The following RNF152 variants were observed in gnomAD, a reference collection of about 807,000 sequenced individuals.
RNF152 encodes the protein E3 ubiquitin-protein ligase RNF152.
A neutral mutation model predicts 12.7 loss-of-function variants in RNF152; 11 were observed. The observed-to-expected ratio is 0.86, with a 90% confidence interval of 0.54 to 1.43. RNF152 has a LOEUF of 1.43. Ranked by LOEUF, RNF152 falls within the 40% of genes most tolerant of loss-of-function variation. The pLI, the probability that RNF152 is intolerant of heterozygous loss-of-function variation, is 0.00. For missense variants in RNF152, 255 were observed against 274.8 expected (o/e 0.93, Z 0.51); for synonymous variants, 113 against 120.3 (o/e 0.94, Z 0.40).
rs1261904714 is a variant in RNF152, at chr18:61,808,910, T to C, written c.*6942A>G. 3 of 152,164 alleles carry C rather than the reference T, an allele frequency of 2.0e-5. No homozygotes were observed. In the East Asian group the frequency reaches 5.8e-4, roughly 30 times the overall value. The allele number at this position is 152,164 out of a possible 1,614,324, so 9.4% of individuals were successfully genotyped here. A position where few individuals can be genotyped will look rare whatever the true frequency, so the allele number is the denominator to read the frequency against. On this transcript the variant is annotated 3_prime_UTR_variant, in exon 2 of 2. Transcript: ENST00000312828. ...AAACCACGAGCATAGGATAGGGTGA[T>C]AGGGAAAATGGGGACTCCTTGGACC...
At chr18:61,826,804 C>T (rs78766006) in intron 1 of RNF152, among the ~76,000 whole-genome samples, 13,221 of 152,222 alleles carry the variant, frequency 0.087, 753 homozygotes, top group African/African-American at 0.16. Flanking sequence ...CAGTGGTTAC[C>T]TTACCTGAGT....
intron 1 of RNF152, among the ~76,000 whole-genome samples, chr18:61,830,309 AG>A (rs1357986046): frequency 6.6e-6 from 1 of 152,104 alleles, no homozygotes; most frequent in Non-Finnish European, 1.5e-5. Flanking sequence ...TACAGGCATG[AG>A]CCACAGTGCC....
chr18:61,858,855 G>T (rs148888456), intron 1 of RNF152, among the ~76,000 whole-genome samples: 1 of 152,154 alleles, frequency 6.6e-6, no homozygotes, highest in Non-Finnish European at 1.5e-5. Context: ...CAGAGATCCC[G>T]TTTTAATAGG....
chr18:61,844,660 T>A (rs1192038341), intron 1 of RNF152, among the ~76,000 whole-genome samples: 1 of 152,174 alleles, frequency 6.6e-6, no homozygotes, highest in East Asian at 1.9e-4. Flanking sequence ...AAATTATTCA[T>A]CTTGTGTCTA....
intron 1 of RNF152, among the ~76,000 whole-genome samples, chr18:61,823,071 G>C (rs182384767): frequency 2.1e-3 from 315 of 152,282 alleles, no homozygotes; most frequent in Middle Eastern, 0.017. Flanking sequence ...TTGACTTTTT[G>C]TCCTCTGGTA....
chr18:61,846,216 C>G (rs1240133781), intron 1 of RNF152, among the ~76,000 whole-genome samples: 2 of 152,196 alleles, frequency 1.3e-5, no homozygotes, highest in Non-Finnish European at 2.9e-5. Context: ...CCCAAACACT[C>G]TCTCTTGTTC....
intron 1 of RNF152, among the ~76,000 whole-genome samples, chr18:61,872,101 CA>C (rs1209137099): frequency 6.6e-6 from 1 of 152,090 alleles, no homozygotes; most frequent in Non-Finnish European, 1.5e-5. Context: ...TGGTGGAAGG[CA>C]AAATGGGAAC....
chr18:61,877,494 C>A (rs1302132344), intron 1 of RNF152, among the ~76,000 whole-genome samples: 1 of 152,170 alleles, frequency 6.6e-6, no homozygotes, highest in Non-Finnish European at 1.5e-5. Flanking sequence ...ACATAAATTG[C>A]CACAAATATC....
intron 1 of RNF152, among the ~76,000 whole-genome samples, chr18:61,842,719 C>G (rs781595859): frequency 3.3e-5 from 5 of 152,156 alleles, no homozygotes; most frequent in Non-Finnish European, 7.4e-5. Context: ...CTGGGGAGGC[C>G]TCACAATCAT....
chr18:61,841,739 G>T (rs907690026), intron 1 of RNF152, among the ~76,000 whole-genome samples: 2 of 152,226 alleles, frequency 1.3e-5, no homozygotes, highest in Non-Finnish European at 2.9e-5. Flanking sequence ...GAAACCGCAA[G>T]TGAAGAACTG....
rs62096264 is a variant in RNF152, at chr18:61,813,309, C to A, written c.*2543G>T. On this transcript the variant is annotated 3_prime_UTR_variant, in exon 2 of 2. Transcript: ENST00000312828. ...ACACACACACACACACACACACACA[C>A]ACACACATACACAAGAATGCACACC... 6.6e-4 allele frequency: 62 copies of A among 94,354 alleles called. No individual in the cohort carries two copies. Among genetic ancestry groups the A allele is most frequent in the Non-Finnish European group, 9.4e-4 (31 of 33,096 alleles). The allele number at this position is 94,354 out of a possible 1,614,324, so 5.8% of individuals were successfully genotyped here. A position where few individuals can be genotyped will look rare whatever the true frequency, so the allele number is the denominator to read the frequency against.
chr18:61,859,517 G>A lies in RNF152; in HGVS notation c.-136+33278C>T, dbSNP rs181810814. Among the ~76,000 whole-genome samples the A allele has an allele frequency of 1.5e-4, 23 of 152,316 alleles. 1 individual carries two copies. In the East Asian group the frequency reaches 2.7e-3, roughly 18 times the overall value. On this transcript the variant is annotated intron_variant, in intron 1 of 1. Coordinates refer to ENST00000312828, the MANE Select transcript of RNF152 (RefSeq NM_173557.3). ...AGGGCCTGGAAGCTGCAGAGAAAAG[G>A]AGCATCACCCACCTGTGTGGGGCAG...
intron 1 of RNF152, among the ~76,000 whole-genome samples, chr18:61,842,226 T>G (rs1910487561): frequency 6.6e-6 from 1 of 152,240 alleles, no homozygotes; most frequent in Admixed American, 6.5e-5. Context: ...CAAGCCATTG[T>G]TCCATTTTCT....
intron 1 of RNF152, among the ~76,000 whole-genome samples, chr18:61,826,589 G>T (rs1406670859): frequency 6.6e-6 from 1 of 151,700 alleles, no homozygotes; most frequent in Non-Finnish European, 1.5e-5. Context: ...CATGTTTTTG[G>T]TTACTTTCAT....
At chr18:61,823,768 C>A (rs1034557835) in intron 1 of RNF152, among the ~76,000 whole-genome samples, 2 of 152,178 alleles carry the variant, frequency 1.3e-5, no homozygotes, top group Admixed American at 6.5e-5. Context: ...CCAAGGTCAC[C>A]CCAGGGACTC....
In RNF152 at chr18:61,813,030, A is replaced by G. The variant is rs902322128; in HGVS notation, c.*2822T>C. 2 of 152,124 alleles carry G rather than the reference A, an allele frequency of 1.3e-5. No homozygotes were observed. Among genetic ancestry groups the G allele is most frequent in the African/African-American group, 2.4e-5 (1 of 41,390 alleles). The allele number at this position is 152,124 out of a possible 1,614,324, so 9.4% of individuals were successfully genotyped here. A position where few individuals can be genotyped will look rare whatever the true frequency, so the allele number is the denominator to read the frequency against. ...ATTACAAAACGGACTCATCTACAAA[A>G]TGAAGCCACCGGAGGCTGCTTTCAG... On this transcript the variant is annotated 3_prime_UTR_variant, in exon 2 of 2. Coordinates refer to ENST00000312828, the MANE Select transcript of RNF152 (RefSeq NM_173557.3).
chr18:61,888,234 A>G (rs1232817704), intron 1 of RNF152: 1 of 152,274 alleles, frequency 6.6e-6, no homozygotes, highest in Admixed American at 6.5e-5. Flanking sequence ...ATGGACATCA[A>G]GAACCACCCA....
intron 1 of RNF152, among the ~76,000 whole-genome samples, chr18:61,856,343 T>A (rs1292294923): frequency 2.0e-5 from 3 of 151,646 alleles, no homozygotes; most frequent in Non-Finnish European, 4.4e-5. Flanking sequence ...AGGCTGGGGG[T>A]CCCAAGAGTT....
chr18:61,868,020 C>G (rs1911817411), intron 1 of RNF152, among the ~76,000 whole-genome samples: 1 of 152,076 alleles, frequency 6.6e-6, no homozygotes, highest in Non-Finnish European at 1.5e-5. Context: ...AACGAGCCTC[C>G]TAGGGGCAAT....
Sources: allele counts gnomAD v4.1 joint callset (sites outside exome capture counted in the v4.1 genomes callset), GRCh38; gene constraint gnomAD v4.1.1; transcripts MANE v1.5; gene names NCBI Gene and HGNC (gene_info 2026-07-23, HGNC 2026-07-21).